PREX2: variants seen among roughly 807,000 people sequenced by gnomAD.
PREX2 encodes phosphatidylinositol 3,4,5-trisphosphate-dependent Rac exchanger 2 protein.
Under a neutral mutation model 203.2 loss-of-function variants are expected in PREX2, and 107 were observed. The observed-to-expected ratio is 0.53, with a 90% CI of 0.45 to 0.62. The LOEUF (loss-of-function observed/expected upper bound fraction) is 0.62. Ranked by LOEUF, PREX2 falls within the 20% of genes least tolerant of loss-of-function variation. The pLI, the probability that PREX2 is intolerant of heterozygous loss-of-function variation, is 0.00. For synonymous variants in PREX2, 672 were observed against 663.6 expected, an observed-to-expected ratio of 1.01 and a Z score of -0.19; for missense variants, 1,777 against 1,955.9, an observed-to-expected ratio of 0.91 and a Z score of 1.72.
intron 14 of PREX2, 91 bp from the exon 15 acceptor site, chr8:68,077,306 T>A: frequency 1.1e-6 from 1 of 872,554 alleles, no homozygotes; most frequent in Non-Finnish European, 2.0e-6. Context: ...AAGCTTTGTC[T>A]GAATTTGGTG....
At chr8:68,105,462 T>TGAGCTAA (rs1283061518) in intron 23 of PREX2, 2 of 1,166,230 alleles carry the variant, frequency 1.7e-6, no homozygotes, top group Non-Finnish European at 2.2e-6. Context: ...GCATTTGTAT[T>TGAGCTAA]GAGCTACAAG....
chr8:68,073,624 C>T (rs1563530493), intron 14 of PREX2, among the ~76,000 whole-genome samples: 2 of 152,132 alleles, frequency 1.3e-5, no homozygotes. Flanking sequence ...TGAAACTAAA[C>T]AATTACCTTT....
chr8:68,080,653 A>T lies in PREX2; in HGVS notation c.1785+68A>T. 3 of 1,469,330 alleles carry T rather than the reference A, an allele frequency of 2.0e-6. No homozygotes were observed. In the South Asian group the frequency reaches 3.7e-5, roughly 18 times the overall value. 91.0% of individuals were successfully genotyped at this position (1,469,330 alleles called of 1,614,324 possible). On this transcript the variant is annotated intron_variant, in intron 16 of 39. Transcript: ENST00000288368. ...ACACTAGCAGAAGACTGCGTTAAAC[A>T]TGTTTGACGGTGATGCACATTACTT...
intron 1 of PREX2, chr8:67,952,851 C>T (rs182333730): frequency 4.1e-4 from 193 of 474,554 alleles, no homozygotes; most frequent in African/African-American, 3.7e-3. Flanking sequence ...CTTTTACCCG[C>T]CTCCCCAGTC....
At chr8:68,187,204 C>T (rs758770884) in intron 35 of PREX2, among the ~76,000 whole-genome samples, 3 of 152,066 alleles carry the variant, frequency 2.0e-5, no homozygotes, top group East Asian at 3.9e-4. Context: ...CTAGTTAAGC[C>T]GTTTAAATGA....
At chr8:68,176,550 A>G (rs1253941870) in intron 35 of PREX2, among the ~76,000 whole-genome samples, 1 of 152,172 alleles carries the variant, frequency 6.6e-6, no homozygotes, top group African/African-American at 2.4e-5. Context: ...CTTGATATTA[A>G]TATTTTCAAG....
intron 37 of PREX2, among the ~76,000 whole-genome samples, chr8:68,197,640 A>G (rs755835663): frequency 6.6e-6 from 1 of 151,440 alleles, no homozygotes. Context: ...TTGGAAGGAC[A>G]CATTTGGACC....
At chr8:67,992,720 C>T (rs1806644902) in intron 1 of PREX2, among the ~76,000 whole-genome samples, 2 of 152,126 alleles carry the variant, frequency 1.3e-5, no homozygotes, top group Non-Finnish European at 2.9e-5. Context: ...TTAGAAGCAG[C>T]CAAAAGCTTA....
chr8:68,057,351 G>A (rs1003986004), intron 10 of PREX2, among the ~76,000 whole-genome samples: 6 of 152,094 alleles, frequency 3.9e-5, no homozygotes, highest in African/African-American at 1.4e-4. Flanking sequence ...CTTATTTATA[G>A]TAGTGTGGGA....
intron 7 of PREX2, among the ~76,000 whole-genome samples, chr8:68,039,670 C>T (rs920004): frequency 0.29 from 44,801 of 152,038 alleles, 6,813 homozygotes; most frequent in African/African-American, 0.34. Context: ...AGTCACTCCT[C>T]TCCCAGCTTT....
chr8:67,997,642 T>C (rs4431577), intron 1 of PREX2, among the ~76,000 whole-genome samples: 92,545 of 151,894 alleles, frequency 0.61, 28,316 homozygotes, highest in South Asian at 0.65. Flanking sequence ...TTGTTAGATT[T>C]TTCAAAAGAA....
At chr8:68,193,249 A>C (rs10429446) in intron 37 of PREX2, among the ~76,000 whole-genome samples, 35,467 of 152,040 alleles carry the variant, frequency 0.23, 4,341 homozygotes, top group African/African-American at 0.29. Flanking sequence ...AATAGAAGAG[A>C]ATTTTAGTCC....
intron 8 of PREX2, among the ~76,000 whole-genome samples, chr8:68,044,859 G>A (rs1300268636): frequency 5.3e-5 from 8 of 152,056 alleles, no homozygotes; most frequent in Admixed American, 5.2e-4. Context: ...GCATTCACGG[G>A]ACTGAAACAG....
At chr8:67,973,462 A>C (rs1161796295) in intron 1 of PREX2, among the ~76,000 whole-genome samples, 1 of 152,130 alleles carries the variant, frequency 6.6e-6, no homozygotes, top group African/African-American at 2.4e-5. Context: ...CTACTTATGT[A>C]TGCTCTTCTT....
intron 11 of PREX2, among the ~76,000 whole-genome samples, chr8:68,062,273 G>A (rs1344249997): frequency 6.6e-6 from 1 of 152,026 alleles, no homozygotes; most frequent in South Asian, 2.1e-4. Flanking sequence ...CTCCACTCCT[G>A]TAGTACACTC....
chr8:67,956,594 A>T (rs1563469165), intron 1 of PREX2, among the ~76,000 whole-genome samples: 1 of 152,160 alleles, frequency 6.6e-6, no homozygotes, highest in African/African-American at 2.4e-5. Flanking sequence ...TCACATTTTT[A>T]TTTTGCACTG....
rs1805361687 is a variant in PREX2, at chr8:67,952,265, C to T, written c.-130C>T. On this transcript the variant is annotated 5_prime_UTR_variant, in exon 1 of 40. Transcript: ENST00000288368. ...CCAGCCTCTCCCCAGCATGTAAAGT[C>T]TTCTGTCTCTCCTCGGAGTTGGCGG... 2.7e-6 allele frequency: 2 copies of T among 740,644 alleles called. No individual in the cohort carries two copies. Among genetic ancestry groups the T allele is most frequent in the Non-Finnish European group, 3.8e-6 (2 of 531,912 alleles). 45.9% of individuals were successfully genotyped at this position (740,644 alleles called of 1,614,324 possible).
At chr8:68,105,632 T>C in intron 23 of PREX2, 1 of 983,788 alleles carries the variant, frequency 1.0e-6, no homozygotes, top group Non-Finnish European at 1.2e-6. Context: ...ATATATACAG[T>C]CATGCACTGC....
chr8:68,099,303 T>G (rs1351661671), intron 22 of PREX2, among the ~76,000 whole-genome samples: 2 of 151,974 alleles, frequency 1.3e-5, no homozygotes, highest in South Asian at 4.2e-4. Flanking sequence ...TCTACCAAAT[T>G]GAGAAAAAAA....
Sources: gnomAD v4.1 joint callset for allele counts (sites outside exome capture counted in the v4.1 genomes callset) on GRCh38, gnomAD v4.1.1 for gene constraint, MANE v1.5 for transcripts, NCBI Gene and HGNC (gene_info 2026-07-23, HGNC 2026-07-21) for gene names.